Variants in DPH6 observed in about 807,000 individuals in gnomAD.
The protein encoded by DPH6 is diphthamine biosynthesis 6.
In DPH6, 33 loss-of-function variants were observed where a neutral mutation model predicts 38.2. The observed-to-expected ratio is 0.86, with a 90% confidence interval of 0.65 to 1.15. The LOEUF (loss-of-function observed/expected upper bound fraction) is 1.15, where lower values mean the gene tolerates loss of function less well. Among genes scored for constraint, DPH6 ranks in the 50% most tolerant of loss-of-function variants. The pLI, the probability that DPH6 is intolerant of heterozygous loss-of-function variation, is 0.00. For synonymous variants in DPH6, 108 were observed against 103.0 expected, an observed-to-expected ratio of 1.05 and a Z score of -0.30; for missense variants, 325 against 320.0, an observed-to-expected ratio of 1.02 and a Z score of -0.12.
At chr15:35,189,822 G>C in the DPH6 span, among the ~76,000 whole-genome samples, 2 of 152,086 alleles carry the variant, frequency 1.3e-5, no homozygotes, top group African/African-American at 4.8e-5. Context: ...CCTTTTTACC[G>C]GGGGCTGCAG....
At chr15:35,338,318 C>T (rs1408997477) in intron 3 of DPH6, among the ~76,000 whole-genome samples, 1 of 151,886 alleles carries the variant, frequency 6.6e-6, no homozygotes, top group Non-Finnish European at 1.5e-5. Flanking sequence ...CTACAATGAA[C>T]TCAAACAAAT....
chr15:35,189,756 G>T, the DPH6 span, among the ~76,000 whole-genome samples: 4 of 152,132 alleles, frequency 2.6e-5, no homozygotes, highest in African/African-American at 7.2e-5. Context: ...TTCATGTTTT[G>T]CAGGAGCCAT....
intron 3 of DPH6, among the ~76,000 whole-genome samples, chr15:35,527,951 G>A (rs1222536127): frequency 2.6e-5 from 4 of 152,160 alleles, no homozygotes; most frequent in Admixed American, 2.0e-4. Flanking sequence ...ACTGGAGAAA[G>A]ACCAGAAGTA....
At chr15:35,415,837 G>C (rs2053428989) in intron 5 of DPH6, among the ~76,000 whole-genome samples, 1 of 152,080 alleles carries the variant, frequency 6.6e-6, no homozygotes, top group South Asian at 2.1e-4. Context: ...CCATTTTCCT[G>C]AGACATATTA....
intron 3 of DPH6, among the ~76,000 whole-genome samples, chr15:35,251,346 C>T (rs1341104513): frequency 1.3e-5 from 2 of 152,202 alleles, no homozygotes; most frequent in Non-Finnish European, 2.9e-5. Context: ...TATGCCCGCT[C>T]CATTCCCAAT....
In DPH6 at chr15:35,338,895, A is replaced by T. The variant is rs2052397521; in HGVS notation, n.208-7818T>A. Reference sequence around the variant, plus strand: ...ATGTCCTTTGTAGGGACATGGATGAAATTGGAAACCATCATTCTCAGCAAA... The same window carrying T: ...ATGTCCTTTGTAGGGACATGGATGATATTGGAAACCATCATTCTCAGCAAA... On this transcript the variant is annotated intron_variant and non_coding_transcript_variant, in intron 3 of 3. Transcript: ENST00000558973. Among the ~76,000 whole-genome samples, 8 of 152,314 alleles carry T rather than the reference A, an allele frequency of 5.3e-5. No individual in the cohort carries two copies. The South Asian group carries it at 1.7e-3, about 32-fold the overall frequency.
intron 3 of DPH6, among the ~76,000 whole-genome samples, chr15:35,243,183 T>C (rs1001608805): frequency 7.1e-6 from 1 of 141,842 alleles, no homozygotes; most frequent in Non-Finnish European, 1.5e-5. Flanking sequence ...ACATGACAAA[T>C]GTTTCTTCTA....
chr15:35,222,849 C>T (rs2051451774), intron 3 of DPH6, among the ~76,000 whole-genome samples: 1 of 152,026 alleles, frequency 6.6e-6, no homozygotes, highest in Non-Finnish European at 1.5e-5. Flanking sequence ...GATCTTGAGG[C>T]CCACAAGGAA....
chr15:35,257,141 C>T (rs1280258746), intron 3 of DPH6, among the ~76,000 whole-genome samples: 1 of 151,838 alleles, frequency 6.6e-6, no homozygotes, highest in Non-Finnish European at 1.5e-5. Flanking sequence ...GCAGGCATCA[C>T]CATGAAAAGA....
At chr15:35,184,971 C>G in the DPH6 span, among the ~76,000 whole-genome samples, 6 of 152,094 alleles carry the variant, frequency 3.9e-5, no homozygotes. Flanking sequence ...CTGAAAACTT[C>G]CTGTGAATTC....
At chr15:35,389,122 T>C (rs1313816449) in intron 6 of DPH6, among the ~76,000 whole-genome samples, 1 of 152,180 alleles carries the variant, frequency 6.6e-6, no homozygotes, top group Non-Finnish European at 1.5e-5. Flanking sequence ...CAGGAGCAGG[T>C]TGTTCAGTTT....
At chr15:35,274,499 G>A (rs2051844633) in intron 3 of DPH6, among the ~76,000 whole-genome samples, 1 of 151,822 alleles carries the variant, frequency 6.6e-6, no homozygotes, top group Admixed American at 6.6e-5. Context: ...CTATCCATCT[G>A]ACAAAGGGCT....
At chr15:35,497,352 T>C (rs1480239529) in intron 3 of DPH6, among the ~76,000 whole-genome samples, 1 of 152,198 alleles carries the variant, frequency 6.6e-6, no homozygotes, top group East Asian at 1.9e-4. Context: ...GTCATATTGC[T>C]CAAGAATAAA....
chr15:35,298,877 GA>G, intron 3 of DPH6: 1 of 974,358 alleles, frequency 1.0e-6, no homozygotes. Context: ...TCTTCATAAG[GA>G]AAATCTCGGG....
intron 5 of DPH6, among the ~76,000 whole-genome samples, chr15:35,431,686 T>C (rs1454713890): frequency 6.6e-6 from 1 of 152,188 alleles, no homozygotes; most frequent in Non-Finnish European, 1.5e-5. Context: ...AGCATGTTGA[T>C]GTTAGACATA....
At position 35,528,798 on chromosome 15, in the gene DPH6, C is replaced by T. The variant is rs540487245; in HGVS notation, c.312+9476G>A. ...CTATTACAATGCATATTGATATTAT[C>T]TATTATATTCTAGGCTCTTGCATTT... On this transcript the variant is annotated intron_variant, in intron 3 of 8. Transcript: ENST00000256538. 4.6e-5 allele frequency among the ~76,000 whole-genome samples: 7 copies of T among 152,256 alleles called. No homozygotes were observed. In the South Asian group the frequency reaches 1.5e-3, roughly 32 times the overall value.
intron 3 of DPH6, among the ~76,000 whole-genome samples, chr15:35,523,715 T>C (rs1269211474): frequency 6.6e-6 from 1 of 152,120 alleles, no homozygotes. Flanking sequence ...TTAGCTACTA[T>C]GATAAGTCAA....
At chr15:35,145,603 G>C in the DPH6 span, among the ~76,000 whole-genome samples, 1 of 152,172 alleles carries the variant, frequency 6.6e-6, no homozygotes, top group African/African-American at 2.4e-5. Flanking sequence ...TGTCTATGAG[G>C]GGTAGATCCC....
At chr15:35,319,434 G>A (rs916844874) in intron 3 of DPH6, among the ~76,000 whole-genome samples, 2 of 152,078 alleles carry the variant, frequency 1.3e-5, no homozygotes, top group Admixed American at 6.6e-5. Flanking sequence ...CAGTAGAAAG[G>A]TAAATCTAAA....
Sources: allele counts gnomAD v4.1 joint callset (sites outside exome capture counted in the v4.1 genomes callset), GRCh38; gene constraint gnomAD v4.1.1; transcripts MANE v1.5; gene names NCBI Gene and HGNC (gene_info 2026-07-23, HGNC 2026-07-21).